Variants in PLCB1 observed in about 807,000 individuals in gnomAD.
PLCB1 encodes 1-phosphatidylinositol 4,5-bisphosphate phosphodiesterase beta-1.
Under a neutral mutation model 161.8 loss-of-function variants are expected in PLCB1, and 46 were observed. The ratio of observed to expected loss-of-function variants is 0.28; its 90% CI spans 0.22 to 0.36. PLCB1 has a LOEUF of 0.36. Ranked by LOEUF, PLCB1 falls within the 10% of genes least tolerant of loss-of-function variation. PLCB1 has a pLI of 1.00. For synonymous variants in PLCB1, 517 were observed against 503.7 expected (o/e 1.03, Z -0.35); for missense variants, 1,016 against 1,472.5 (o/e 0.69, Z 5.07).
chr20:8,315,518 A>T (rs1984604748), intron 2 of PLCB1, among the ~76,000 whole-genome samples: 1 of 152,190 alleles, frequency 6.6e-6, no homozygotes, highest in Non-Finnish European at 1.5e-5. Context: ...TCAAGTCAAA[A>T]GATCTGGAAG....
At chr20:8,410,219 C>T (rs1978981345) in intron 3 of PLCB1, among the ~76,000 whole-genome samples, 1 of 152,064 alleles carries the variant, frequency 6.6e-6, no homozygotes, top group African/African-American at 2.4e-5. Flanking sequence ...TTGTATAGTT[C>T]TCGGTTTGGT....
intron 11 of PLCB1, among the ~76,000 whole-genome samples, chr20:8,702,117 T>C (rs1407344179): frequency 1.3e-5 from 2 of 152,198 alleles, no homozygotes; most frequent in African/African-American, 4.8e-5. Context: ...CTGTTTACTG[T>C]ATGGGTCAAA....
chr20:8,672,443 C>A (rs1989971128), intron 9 of PLCB1, among the ~76,000 whole-genome samples: 1 of 150,650 alleles, frequency 6.6e-6, no homozygotes, highest in Non-Finnish European at 1.5e-5. Context: ...GCATGGCCTG[C>A]CACATGTTCT....
intron 4 of PLCB1, among the ~76,000 whole-genome samples, chr20:8,644,957 G>A (rs1989118099): frequency 6.6e-6 from 1 of 152,102 alleles, no homozygotes; most frequent in African/African-American, 2.4e-5. Flanking sequence ...GTAGACATGG[G>A]AGACTTTTCA....
At chr20:8,634,698 A>G (rs1988706268) in intron 4 of PLCB1, among the ~76,000 whole-genome samples, 1 of 152,194 alleles carries the variant, frequency 6.6e-6, no homozygotes, top group Admixed American at 6.5e-5. Context: ...TTCATTCTCT[A>G]TTACCTGCAA....
intron 2 of PLCB1, among the ~76,000 whole-genome samples, chr20:8,332,720 T>G (rs1486373420): frequency 6.6e-6 from 1 of 152,206 alleles, no homozygotes; most frequent in Admixed American, 6.5e-5. Flanking sequence ...TGGCTAATGG[T>G]GCTCCCTACC....
intron 3 of PLCB1, among the ~76,000 whole-genome samples, chr20:8,509,778 ATAGATAGC>A (rs1349086733): frequency 7.8e-6 from 1 of 127,500 alleles, no homozygotes; most frequent in Non-Finnish European, 1.7e-5. Flanking sequence ...AGATAGATAG[ATAGATAGC>A]ATGAAGATGG....
chr20:8,530,070 C>A (rs959026574), intron 3 of PLCB1, among the ~76,000 whole-genome samples: 4 of 152,088 alleles, frequency 2.6e-5, no homozygotes, highest in African/African-American at 9.7e-5. Context: ...TCATATTTCA[C>A]TGTGATTAAA....
chr20:8,347,654 A>G (rs945774806), intron 2 of PLCB1, among the ~76,000 whole-genome samples: 3 of 152,354 alleles, frequency 2.0e-5, no homozygotes, highest in Non-Finnish European at 4.4e-5. Flanking sequence ...TTGTCAAAAA[A>G]TATTGTTGGA....
chr20:8,554,469 C>T (rs1382608922), intron 3 of PLCB1, among the ~76,000 whole-genome samples: 1 of 152,006 alleles, frequency 6.6e-6, no homozygotes, highest in Non-Finnish European at 1.5e-5. Flanking sequence ...TGATGAATCT[C>T]AAAATTATAG....
At chr20:8,141,833 A>C (rs2051407044) in intron 1 of PLCB1, 1 of 152,184 alleles carries the variant, frequency 6.6e-6, no homozygotes, top group African/African-American at 2.4e-5. Context: ...TCTTCTCGAC[A>C]TACGTGTAAA....
At chr20:8,685,664 G>C (rs986340641) in intron 10 of PLCB1, among the ~76,000 whole-genome samples, 3 of 149,158 alleles carry the variant, frequency 2.0e-5, no homozygotes, top group African/African-American at 7.4e-5. Flanking sequence ...CTGAACCCAA[G>C]AGGTGGAGGT....
chr20:8,802,943 C>T (rs1208538953), intron 31 of PLCB1, among the ~76,000 whole-genome samples: 1 of 152,064 alleles, frequency 6.6e-6, no homozygotes, highest in Admixed American at 6.6e-5. Context: ...AAGAAGCATT[C>T]TTGTGATTAT....
intron 31 of PLCB1, among the ~76,000 whole-genome samples, chr20:8,822,311 A>G (rs115904205): frequency 4.5e-4 from 69 of 152,322 alleles, no homozygotes; most frequent in African/African-American, 1.4e-3. Flanking sequence ...CATCCAAAAG[A>G]TATTTATTAA....
At chr20:8,732,707 TATATCATTCTA>T (rs1980323560) in intron 18 of PLCB1, among the ~76,000 whole-genome samples, 2 of 145,878 alleles carry the variant, frequency 1.4e-5, no homozygotes, top group African/African-American at 5.0e-5. Flanking sequence ...ATATATTTAA[TATATCATTCTA>T]ATATATCTAA....
At chr20:8,334,031 G>T (rs1244452004) in intron 2 of PLCB1, among the ~76,000 whole-genome samples, 1 of 152,132 alleles carries the variant, frequency 6.6e-6, no homozygotes, top group Non-Finnish European at 1.5e-5. Flanking sequence ...CCAACATAAA[G>T]AAACCCCATC....
intron 2 of PLCB1, among the ~76,000 whole-genome samples, chr20:8,194,370 C>T (rs1005632123): frequency 6.6e-6 from 1 of 151,838 alleles, no homozygotes; most frequent in African/African-American, 2.4e-5. Context: ...GTCCAAAGTG[C>T]CAATGGTGGA....
In PLCB1 at chr20:8,834,951, A is replaced by C. The variant is rs7268713; in HGVS notation, c.3423+44690A>C. ...AACCTTTGTTCTATTCAGACCTTCA[A>C]CTGGTTGGATGAGGCCCTCCCACAT... On this transcript the variant is annotated intron_variant, in intron 31 of 31. Coordinates refer to ENST00000338037, the MANE Select transcript of PLCB1 (RefSeq NM_015192.4). Among the ~76,000 whole-genome samples the C allele has an allele frequency of 8.4e-3, 1,281 of 152,130 alleles. 23 individuals are homozygous for C. The highest frequency in any genetic ancestry group is 0.029 in the African/African-American group (1,195 of 41,484).
chr20:8,651,704 A>G (rs1600227128), intron 7 of PLCB1: 2 of 485,792 alleles, frequency 4.1e-6, no homozygotes, highest in Non-Finnish European at 7.4e-6. Flanking sequence ...AAACTAGCCA[A>G]TAAGCATGCC....
Sources: gnomAD v4.1 joint callset for allele counts (sites outside exome capture counted in the v4.1 genomes callset) on GRCh38, gnomAD v4.1.1 for gene constraint, MANE v1.5 for transcripts, NCBI Gene and HGNC (gene_info 2026-07-23, HGNC 2026-07-21) for gene names.